Variants in GPR158 observed in about 807,000 individuals in gnomAD.
The protein encoded by GPR158 is G protein-coupled receptor 158.
GPR158 carries 30 observed loss-of-function variants against 78.2 expected under a neutral mutation model. The observed-to-expected ratio is 0.38, with a 90% CI of 0.29 to 0.52. The LOEUF is 0.52. GPR158 is among the 20% of genes least tolerant of loss of function. The probability of loss-of-function intolerance (pLI) is 0.83; values close to 1 mark genes in which losing one functional copy is unlikely to be tolerated. For synonymous variants in GPR158, 581 were observed against 591.1 expected (o/e 0.98, Z 0.25); for missense variants, 1,463 against 1,523.5 (o/e 0.96, Z 0.66).
intron 2 of GPR158, among the ~76,000 whole-genome samples, chr10:25,309,012 T>C (rs1854724311): frequency 6.6e-6 from 1 of 152,140 alleles, no homozygotes; most frequent in Admixed American, 6.5e-5. Flanking sequence ...CTGGTATAAA[T>C]ATAGCTGTAC....
chr10:25,466,079 A>G (rs942940050), intron 4 of GPR158: 1 of 152,252 alleles, frequency 6.6e-6, no homozygotes, highest in African/African-American at 2.4e-5. Flanking sequence ...TACAGGACAG[A>G]AAAAGGAAAA....
At chr10:25,269,733 A>G (rs1427283471) in intron 2 of GPR158, among the ~76,000 whole-genome samples, 1 of 152,190 alleles carries the variant, frequency 6.6e-6, no homozygotes, top group African/African-American at 2.4e-5. Context: ...TCCCCATTTC[A>G]TGAATGAGAA....
intron 1 of GPR158, among the ~76,000 whole-genome samples, chr10:25,213,193 G>C (rs1341447948): frequency 6.6e-6 from 1 of 151,814 alleles, no homozygotes; most frequent in African/African-American, 2.4e-5. Context: ...CAAGAATTCA[G>C]TACTATGTTA....
intron 2 of GPR158, among the ~76,000 whole-genome samples, chr10:25,263,999 T>G (rs1854006059): frequency 6.6e-6 from 1 of 152,164 alleles, no homozygotes; most frequent in Non-Finnish European, 1.5e-5. Flanking sequence ...CTTTGGAGAC[T>G]TTTTTTATTG....
intron 1 of GPR158, among the ~76,000 whole-genome samples, chr10:25,197,650 T>C (rs551831938): frequency 8.5e-5 from 13 of 152,344 alleles, no homozygotes; most frequent in African/African-American, 2.2e-4. Context: ...TTAAGGCAGA[T>C]TACAGTGTTC....
At chr10:25,380,881 G>C (rs1588836532) in intron 2 of GPR158, among the ~76,000 whole-genome samples, 1 of 152,156 alleles carries the variant, frequency 6.6e-6, no homozygotes, top group Admixed American at 6.6e-5. Context: ...TTTACATATA[G>C]CTAAAAGGTA....
chr10:25,580,964 CCAGACTG>C (rs556545365), intron 7 of GPR158, among the ~76,000 whole-genome samples: 6,093 of 136,610 alleles, frequency 0.045, 269 homozygotes, highest in African/African-American at 0.081. Flanking sequence ...GTTGCCCAGG[CCAGACTG>C]CGGACTGCAG....
At chr10:25,468,648 G>T (rs1835455712) in intron 5 of GPR158, among the ~76,000 whole-genome samples, 1 of 152,174 alleles carries the variant, frequency 6.6e-6, no homozygotes, top group African/African-American at 2.4e-5. Flanking sequence ...ATAAATGTAT[G>T]TATGGTGCTA....
chr10:25,511,147 T>C (rs1836080018), intron 5 of GPR158, among the ~76,000 whole-genome samples: 1 of 152,194 alleles, frequency 6.6e-6, no homozygotes, highest in South Asian at 2.1e-4. Flanking sequence ...GTTGTACTAG[T>C]TTATATTCCC....
chr10:25,499,686 C>A (rs917789874), intron 5 of GPR158, among the ~76,000 whole-genome samples: 3 of 152,112 alleles, frequency 2.0e-5, no homozygotes, highest in African/African-American at 7.2e-5. Flanking sequence ...CATTAGAAGG[C>A]CACTCTGCAG....
At chr10:25,505,398 T>G (rs531992778) in intron 5 of GPR158, among the ~76,000 whole-genome samples, 1 of 152,224 alleles carries the variant, frequency 6.6e-6, no homozygotes, top group Non-Finnish European at 1.5e-5. Flanking sequence ...TCTTGCCTCA[T>G]GCTTTAAGAT....
intron 4 of GPR158, among the ~76,000 whole-genome samples, chr10:25,426,093 T>G (rs1029676143): frequency 2.0e-5 from 3 of 152,158 alleles, no homozygotes; most frequent in African/African-American, 7.2e-5. Flanking sequence ...TAAGGTTGCA[T>G]AGTTTAGCAA....
At chr10:25,211,103 G>C (rs1469658927) in intron 1 of GPR158, among the ~76,000 whole-genome samples, 1 of 151,428 alleles carries the variant, frequency 6.6e-6, no homozygotes, top group African/African-American at 2.4e-5. Flanking sequence ...CTGCACTCCA[G>C]TCTGGTGACA....
intron 3 of GPR158, among the ~76,000 whole-genome samples, chr10:25,409,033 T>G (rs1024832002): frequency 2.8e-4 from 42 of 152,134 alleles, no homozygotes; most frequent in African/African-American, 1.0e-3. Flanking sequence ...TTCCCCTTTA[T>G]CTCCATGATT....
intron 5 of GPR158, among the ~76,000 whole-genome samples, chr10:25,484,922 T>C (rs1207761384): frequency 6.6e-6 from 1 of 152,182 alleles, no homozygotes; most frequent in Non-Finnish European, 1.5e-5. Flanking sequence ...TTATGTATTA[T>C]ATGTAAATGC....
intron 5 of GPR158, among the ~76,000 whole-genome samples, chr10:25,516,979 G>C (rs534568346): frequency 2.1e-5 from 3 of 144,480 alleles, no homozygotes; most frequent in African/African-American, 8.1e-5. Context: ...CCATTTTCAC[G>C]ATATTGATTC....
rs147873496 is a variant in GPR158 at position 25,594,447 on chromosome 10, C to T, written c.1998+50C>T. 98 of 812,410 alleles carry T rather than the reference C, an allele frequency of 1.2e-4. No individual in the cohort carries two copies. In the African/African-American group the frequency reaches 1.3e-3, roughly 11 times the overall value. The allele number at this position is 812,410 out of a possible 1,614,324, so 50.3% of individuals were successfully genotyped here. ...TTTTGCAAAACTTATTTTTAATGAA[C>T]ATGGAGTTGTTTATCCTATAGGCAA... On this transcript the variant is annotated intron_variant, in intron 9 of 10. Coordinates refer to ENST00000376351, the MANE Select transcript of GPR158 (RefSeq NM_020752.3).
At chr10:25,259,870 C>A (rs1564404716) in intron 2 of GPR158, among the ~76,000 whole-genome samples, 1 of 151,196 alleles carries the variant, frequency 6.6e-6, no homozygotes, top group Non-Finnish European at 1.5e-5. Context: ...TTAAAAATTG[C>A]TTTTTTTTGA....
rs116587096 is a variant in GPR158 at position 25,509,218 on chromosome 10, G to A, written c.1405-41758G>A. 3.7e-3 allele frequency among the ~76,000 whole-genome samples: 564 copies of A among 152,162 alleles called. 1 individual carries two copies. Among genetic ancestry groups the A allele is most frequent in the African/African-American group, 0.012 (482 of 41,508 alleles). Reference sequence around the variant, plus strand: ...TCACATGTCACCTGGGAGCACAATCGCTTCTGATTGATTGAGAACTACATG... The same window carrying A: ...TCACATGTCACCTGGGAGCACAATCACTTCTGATTGATTGAGAACTACATG... On this transcript the variant is annotated intron_variant, in intron 5 of 10. Transcript: ENST00000376351.
Sources: gnomAD v4.1 joint callset for allele counts (sites outside exome capture counted in the v4.1 genomes callset) on GRCh38, gnomAD v4.1.1 for gene constraint, MANE v1.5 for transcripts, NCBI Gene and HGNC (gene_info 2026-07-23, HGNC 2026-07-21) for gene names.